The following DMD variants were observed in gnomAD, a reference collection of about 807,000 sequenced individuals.
DMD encodes dystrophin.
DMD carries 63 observed loss-of-function variants against 330.1 expected under a neutral mutation model. The ratio of observed to expected loss-of-function variants is 0.19; its 90% CI spans 0.16 to 0.24. The LOEUF (loss-of-function observed/expected upper bound fraction) is 0.24. DMD is among the 10% of genes least tolerant of loss of function. The probability of loss-of-function intolerance (pLI) is 1.00; values close to 1 mark genes in which losing one functional copy is unlikely to be tolerated. For synonymous variants in DMD, 1,223 were observed against 959.8 expected (o/e 1.27, Z -5.07); for missense variants, 3,344 against 2,684.1 (o/e 1.25, Z -5.43).
At chrX:33,056,979 G>T (rs1439606029) in intron 1 of DMD, among the ~76,000 whole-genome samples, 1 of 111,084 alleles carries the variant, frequency 9.0e-6, no homozygotes, top group Non-Finnish European at 1.9e-5. Flanking sequence ...ATGGCCCACG[G>T]GGCTCATAAA....
chrX:32,655,913 T>A (rs1355879529), intron 9 of DMD, among the ~76,000 whole-genome samples: 1 of 111,619 alleles, frequency 9.0e-6, no homozygotes, highest in Non-Finnish European at 1.9e-5. Flanking sequence ...TTGTCTCTTT[T>A]GATCTTTGTT....
chrX:31,203,766 CT>C (rs1410542726), intron 67 of DMD, among the ~76,000 whole-genome samples, 194 bp downstream of exon 67: 1 of 111,724 alleles, frequency 9.0e-6, no homozygotes, highest in African/African-American at 3.3e-5. Context: ...ATTTCTTTTC[CT>C]TCCTCAGCAC....
intron 1 of DMD, among the ~76,000 whole-genome samples, chrX:33,250,085 T>TTTTATATATATATATATATA (rs1484050730): frequency 6.6e-5 from 5 of 75,436 alleles, no homozygotes; most frequent in African/African-American, 2.9e-4. Context: ...AAACTATTCA[T>TTTTATATATATATATATATA]TATATATATA....
chrX:31,583,914 C>T (rs1288149754), intron 55 of DMD, among the ~76,000 whole-genome samples: 1 of 74,508 alleles, frequency 1.3e-5, no homozygotes, highest in Non-Finnish European at 2.5e-5. Flanking sequence ...CCCCCTCCCC[C>T]GACCCCACAA....
chrX:31,412,908 T>A (rs1002183827), intron 60 of DMD, among the ~76,000 whole-genome samples: 2 of 111,898 alleles, frequency 1.8e-5, no homozygotes, highest in Non-Finnish European at 3.8e-5. Flanking sequence ...TCTTCTACAA[T>A]CTTACTTAAT....
intron 13 of DMD, among the ~76,000 whole-genome samples, chrX:32,576,125 C>CA (rs765976988): frequency 1.8e-5 from 2 of 111,623 alleles, no homozygotes; most frequent in Non-Finnish European, 3.8e-5. Context: ...GTATGAGTCA[C>CA]AAAAAACTAA....
chrX:32,464,768 T>C, intron 23 of DMD, 69 bp from the exon 24 acceptor site: 1 of 793,333 alleles, frequency 1.3e-6, no homozygotes, highest in Non-Finnish European at 1.9e-6. Flanking sequence ...ATCATTGTGT[T>C]ATGTCTAAAC....
intron 44 of DMD, among the ~76,000 whole-genome samples, chrX:32,018,629 T>C (rs1483940911): frequency 8.9e-6 from 1 of 111,874 alleles, no homozygotes; most frequent in Admixed American, 9.5e-5. Context: ...TCATTCTTTA[T>C]AGTACAATAA....
intron 67 of DMD, among the ~76,000 whole-genome samples, chrX:31,203,651 T>A (rs751672396): frequency 8.9e-6 from 1 of 112,559 alleles, no homozygotes; most frequent in East Asian, 2.8e-4. Context: ...AAGGCCATTT[T>A]CTTATATACA....
intron 19 of DMD, among the ~76,000 whole-genome samples, chrX:32,493,596 A>C (rs1300164656): frequency 8.9e-6 from 1 of 111,847 alleles, no homozygotes; most frequent in African/African-American, 3.2e-5. Context: ...CGATGCGATT[A>C]AGTAACTGTT....
chrX:31,730,168 C>T (rs143396733), intron 51 of DMD, among the ~76,000 whole-genome samples: 10 of 111,461 alleles, frequency 9.0e-5, no homozygotes, highest in African/African-American at 2.9e-4. Context: ...AGCACAGAAC[C>T]GATTTAAGAG....
At chrX:31,233,235 G>C (rs907170832) in intron 63 of DMD, among the ~76,000 whole-genome samples, 1 of 111,380 alleles carries the variant, frequency 9.0e-6, no homozygotes, top group Non-Finnish European at 1.9e-5. Flanking sequence ...GTCACAACAT[G>C]GGTAACTCAG....
intron 20 of DMD, among the ~76,000 whole-genome samples, chrX:32,486,534 C>A (rs1305939235): frequency 1.8e-5 from 2 of 110,896 alleles, no homozygotes; most frequent in Non-Finnish European, 3.8e-5. Context: ...AAAGAGCCCG[C>A]ATCGCCAAGT....
At chrX:32,709,019 G>A (rs1261985835) in intron 7 of DMD, among the ~76,000 whole-genome samples, 1 of 112,083 alleles carries the variant, frequency 8.9e-6, no homozygotes, top group East Asian at 2.8e-4. Flanking sequence ...CTGGAGGCAT[G>A]CTGATGAAAC....
rs1569558127 is a variant in DMD, at chrX:32,331,042, T to TGG, written c.5922+11057_5922+11058insCC. ...GCTGGAACCCTGTCCCCTAATTTTA[T>TGG]AGGATCTTAGGAAACCTGCTTGACA... On this transcript the variant is annotated intron_variant, in intron 41 of 78. Coordinates refer to ENST00000357033, the MANE Select transcript of DMD (RefSeq NM_004006.3). 6.3e-5 allele frequency among the ~76,000 whole-genome samples: 7 copies of TGG among 111,993 alleles called. No homozygotes were observed. In the East Asian group the frequency reaches 2.0e-3, roughly 32 times the overall value.
chrX:32,465,305 T>C (rs1398338572), intron 23 of DMD, among the ~76,000 whole-genome samples: 1 of 111,558 alleles, frequency 9.0e-6, no homozygotes, highest in African/African-American at 3.3e-5. Context: ...CTTTCCCGTA[T>C]TACCTTTTTT....
intron 55 of DMD, among the ~76,000 whole-genome samples, chrX:31,591,036 G>C (rs1603411335): frequency 9.0e-6 from 1 of 111,625 alleles, no homozygotes; most frequent in African/African-American, 3.2e-5. Flanking sequence ...TGGCTGATCT[G>C]AACTGAGTTG....
In DMD at chrX:32,390,173, T is replaced by C; in HGVS notation, c.4242A>G (p.Gln1414=). The change falls in exon 31 of 79, where the codon CAA becomes CAG. Residue 1414 remains glutamine (Q), a synonymous_variant. Transcript: ENST00000357033. ...TGATCTCATGACTTGTCAAATCAGATTGGATTTTCTGTTGGGAGGATAGCA... is the reference window on the plus strand; with the variant it reads ...TGATCTCATGACTTGTCAAATCAGACTGGATTTTCTGTTGGGAGGATAGCA... ...AQMPQEAQKI[Q]SDLTSHEISL... 1 of 1,191,697 alleles carries C rather than the reference T, an allele frequency of 8.4e-7. No homozygotes were observed. Among genetic ancestry groups the C allele is most frequent in the Non-Finnish European group, 1.1e-6 (1 of 877,444 alleles).
intron 43 of DMD, among the ~76,000 whole-genome samples, chrX:32,227,341 A>G (rs1385970422): frequency 1.1e-5 from 1 of 94,763 alleles, no homozygotes; most frequent in East Asian, 3.6e-4. Context: ...CGTATGGAAT[A>G]AACAATTTCA....
Sources: allele counts gnomAD v4.1 joint callset (sites outside exome capture counted in the v4.1 genomes callset), GRCh38; gene constraint gnomAD v4.1.1; transcripts MANE v1.5; gene names NCBI Gene and HGNC (gene_info 2026-07-23, HGNC 2026-07-21).